Variants in RPS6KC1 observed in about 807,000 individuals in gnomAD.
The protein encoded by RPS6KC1 is inactive ribosomal protein S6 kinase delta-1.
RPS6KC1 carries 54 observed loss-of-function variants against 103.8 expected under a neutral mutation model. That is an observed-to-expected ratio of 0.52 (90% CI 0.42 to 0.65). The LOEUF is 0.65. RPS6KC1 is among the 30% of genes least tolerant of loss of function. RPS6KC1 has a pLI of 0.00. For synonymous variants in RPS6KC1, 439 were observed against 438.7 expected, an observed-to-expected ratio of 1.00 and a Z score of -0.01; for missense variants, 1,151 against 1,253.8, an observed-to-expected ratio of 0.92 and a Z score of 1.24.
chr1:213,478,423 A>C, the RPS6KC1 span, among the ~76,000 whole-genome samples: 4 of 151,978 alleles, frequency 2.6e-5, no homozygotes, highest in Non-Finnish European at 5.9e-5. Context: ...TTAGTTTTGC[A>C]AAAAAAATTG....
chr1:213,457,548 C>G, the RPS6KC1 span, among the ~76,000 whole-genome samples: 1 of 152,208 alleles, frequency 6.6e-6, no homozygotes, highest in Non-Finnish European at 1.5e-5. Flanking sequence ...GACTGGGCAA[C>G]CCACTTCTGC....
chr1:213,172,012 T>A (rs554618052), intron 7 of RPS6KC1, among the ~76,000 whole-genome samples: 6 of 152,332 alleles, frequency 3.9e-5, no homozygotes, highest in Non-Finnish European at 7.3e-5. Context: ...TAATGGTTAC[T>A]CTCTCTCAGG....
chr1:213,499,220 A>T, the RPS6KC1 span, among the ~76,000 whole-genome samples: 1 of 152,196 alleles, frequency 6.6e-6, no homozygotes, highest in Non-Finnish European at 1.5e-5. Flanking sequence ...AAAACAAGAT[A>T]CAGAACTAGA....
the RPS6KC1 span, among the ~76,000 whole-genome samples, chr1:213,428,476 CCCTCCCTT>C: frequency 5.7e-3 from 175 of 30,666 alleles, 1 homozygote; most frequent in African/African-American, 0.024. Context: ...CTCCCTCCCT[CCCTCCCTT>C]CCTTCCTTCC....
the RPS6KC1 span, among the ~76,000 whole-genome samples, chr1:213,525,810 A>C: frequency 3.3e-5 from 5 of 152,196 alleles, no homozygotes; most frequent in African/African-American, 1.2e-4. Context: ...TGGACAATGC[A>C]TGGGGGCATT....
At chr1:213,529,193 G>T in the RPS6KC1 span, among the ~76,000 whole-genome samples, 96,850 of 151,176 alleles carry the variant, frequency 0.64, 33,306 homozygotes, top group East Asian at 0.98. Context: ...TTTAAGAAAA[G>T]ATAATGGGGA....
At chr1:213,384,880 A>T in the RPS6KC1 span, among the ~76,000 whole-genome samples, 21 of 152,236 alleles carry the variant, frequency 1.4e-4, no homozygotes, top group Non-Finnish European at 2.6e-4. Context: ...TTTAAGTGAC[A>T]TGCTGAAAGT....
chr1:213,071,891 G>A (rs943007581), intron 2 of RPS6KC1, among the ~76,000 whole-genome samples: 1 of 150,718 alleles, frequency 6.6e-6, no homozygotes, highest in Non-Finnish European at 1.5e-5. Context: ...TTTCTATAAT[G>A]GTACCAGCCT....
the RPS6KC1 span, among the ~76,000 whole-genome samples, chr1:213,349,597 G>T: frequency 6.6e-6 from 1 of 152,168 alleles, no homozygotes; most frequent in African/African-American, 2.4e-5. Flanking sequence ...TCATAGATGG[G>T]CAAACAGGTC....
the RPS6KC1 span, among the ~76,000 whole-genome samples, chr1:213,333,296 A>C: frequency 5.3e-5 from 8 of 152,120 alleles, no homozygotes; most frequent in Non-Finnish European, 7.4e-5. Context: ...TTGGAGATCT[A>C]TGGTTTTTAT....
the RPS6KC1 span, among the ~76,000 whole-genome samples, chr1:213,790,592 G>C: frequency 6.6e-6 from 1 of 152,190 alleles, no homozygotes; most frequent in South Asian, 2.1e-4. Context: ...GAGGCATTGG[G>C]GACTGGGGGA....
chr1:213,169,549 T>C (rs2091292620), intron 7 of RPS6KC1, among the ~76,000 whole-genome samples: 1 of 152,150 alleles, frequency 6.6e-6, no homozygotes, highest in African/African-American at 2.4e-5. Context: ...TTTTTCACCA[T>C]TGAATTTTAT....
chr1:213,339,621 C>A, the RPS6KC1 span, among the ~76,000 whole-genome samples: 1 of 152,234 alleles, frequency 6.6e-6, no homozygotes, highest in Non-Finnish European at 1.5e-5. Context: ...TACTTCAGAT[C>A]TCTTTCATGT....
At chr1:213,464,317 ATTG>A in the RPS6KC1 span, among the ~76,000 whole-genome samples, 9 of 151,978 alleles carry the variant, frequency 5.9e-5, no homozygotes, top group African/African-American at 1.7e-4. Context: ...TTATTGGTTT[ATTG>A]TTGTTTATTT....
At chr1:213,119,285 A>G (rs1351673649) in intron 5 of RPS6KC1, among the ~76,000 whole-genome samples, 1 of 151,458 alleles carries the variant, frequency 6.6e-6, no homozygotes, top group Non-Finnish European at 1.5e-5. Context: ...TGTCTCTACT[A>G]AAAACACAAA....
chr1:213,702,958 C>A, the RPS6KC1 span, among the ~76,000 whole-genome samples: 2 of 151,842 alleles, frequency 1.3e-5, no homozygotes, highest in African/African-American at 4.8e-5. Flanking sequence ...TAAGGACTTA[C>A]TCCTACCATT....
chr1:213,183,174 A>G (rs565881515), intron 8 of RPS6KC1, among the ~76,000 whole-genome samples: 1 of 152,238 alleles, frequency 6.6e-6, no homozygotes, highest in Admixed American at 6.5e-5. Context: ...AAAATATATG[A>G]AGCAAAAGCT....
At chr1:213,695,639 A>G in the RPS6KC1 span, among the ~76,000 whole-genome samples, 1 of 152,238 alleles carries the variant, frequency 6.6e-6, no homozygotes, top group African/African-American at 2.4e-5. Flanking sequence ...ATTCTATTCC[A>G]GGACTTATAG....
the RPS6KC1 span, among the ~76,000 whole-genome samples, chr1:213,586,369 G>T: frequency 0.08 from 12,130 of 152,268 alleles, 891 homozygotes; most frequent in East Asian, 0.44. Context: ...TGAAAGCTGT[G>T]AAGTTTGAGA....
Sources: allele counts gnomAD v4.1 joint callset (sites outside exome capture counted in the v4.1 genomes callset), GRCh38; gene constraint gnomAD v4.1.1; transcripts MANE v1.5; gene names NCBI Gene and HGNC (gene_info 2026-07-23, HGNC 2026-07-21).